Variants in DLG2 observed in about 807,000 individuals in gnomAD.
DLG2 encodes disks large homolog 2.
Under a neutral mutation model 132.5 loss-of-function variants are expected in DLG2, and 45 were observed. The observed-to-expected ratio is 0.34, with a 90% CI of 0.27 to 0.44. The LOEUF (loss-of-function observed/expected upper bound fraction) is 0.44. Ranked by LOEUF, DLG2 falls within the 20% of genes least tolerant of loss-of-function variation. The pLI is 1.00. For synonymous variants in DLG2, 424 were observed against 419.6 expected (o/e 1.01, Z -0.13); for missense variants, 1,045 against 1,196.9 (o/e 0.87, Z 1.87).
At chr11:83,807,736 C>G (rs867682119) in intron 17 of DLG2, among the ~76,000 whole-genome samples, 1 of 152,100 alleles carries the variant, frequency 6.6e-6, no homozygotes, top group Non-Finnish European at 1.5e-5. Flanking sequence ...GAATACTGAA[C>G]AAGAGGGTAT....
intron 6 of DLG2, among the ~76,000 whole-genome samples, chr11:84,978,910 A>G (rs1333774202): frequency 6.6e-6 from 1 of 152,148 alleles, no homozygotes; most frequent in Admixed American, 6.5e-5. Flanking sequence ...TTTGCAATCT[A>G]CTCATCTGAC....
intron 7 of DLG2, among the ~76,000 whole-genome samples, chr11:84,419,805 C>G (rs778334294): frequency 2.0e-5 from 3 of 152,108 alleles, no homozygotes; most frequent in Non-Finnish European, 4.4e-5. Flanking sequence ...CCATTTTGCT[C>G]CTAATTAAGA....
chr11:84,993,349 TG>T (rs2057326006), intron 6 of DLG2, among the ~76,000 whole-genome samples: 1 of 152,076 alleles, frequency 6.6e-6, no homozygotes, highest in Non-Finnish European at 1.5e-5. Context: ...TGATAGGTGC[TG>T]GGGTTCAATC....
At chr11:83,819,469 CAAAAAAA>C (rs398016925) in intron 17 of DLG2, among the ~76,000 whole-genome samples, 2 of 28,128 alleles carry the variant, frequency 7.1e-5, no homozygotes, top group Non-Finnish European at 1.2e-4. Context: ...GACTCTATCT[CAAAAAAA>C]AAAAAAAAAA....
At chr11:83,874,246 G>GGGAAGGAAGGAAGGAGAAAGGGAA (rs144508115) in intron 16 of DLG2, among the ~76,000 whole-genome samples, 174 bp downstream of exon 16, 1 of 143,972 alleles carries the variant, frequency 6.9e-6, no homozygotes, top group East Asian at 2.1e-4. Flanking sequence ...AAAGAAAGAA[G>GGGAAGGAAGGAAGGAGAAAGGGAA]GGAAGGAAGG....
intron 6 of DLG2, among the ~76,000 whole-genome samples, chr11:84,717,388 T>C (rs1306170731): frequency 1.3e-5 from 2 of 152,054 alleles, no homozygotes; most frequent in African/African-American, 4.8e-5. Flanking sequence ...TATATTTTTT[T>C]CTTAAATCAA....
intron 6 of DLG2, among the ~76,000 whole-genome samples, chr11:84,835,256 A>C (rs1038564044): frequency 6.6e-6 from 1 of 151,668 alleles, no homozygotes; most frequent in Non-Finnish European, 1.5e-5. Context: ...ACTAATATAT[A>C]GATAACATGC....
chr11:85,209,595 C>CTTTT (rs60317922), intron 4 of DLG2, among the ~76,000 whole-genome samples: 2,350 of 116,914 alleles, frequency 0.02, 195 homozygotes, highest in Admixed American at 0.037. Flanking sequence ...ACCCAGCTAA[C>CTTTT]TTTTTTTTTT....
At chr11:85,138,485 A>T (rs566740427) in intron 5 of DLG2, among the ~76,000 whole-genome samples, 34 of 152,300 alleles carry the variant, frequency 2.2e-4, no homozygotes, top group African/African-American at 7.9e-4. Context: ...TCAAGTCAAT[A>T]TAAATAACCT....
Position 85,277,733 on chromosome 11 carries a change from T to C in DLG2, c.186+7487A>G, listed in dbSNP as rs139460989. Among the ~76,000 whole-genome samples, 374 of 152,294 alleles carry C rather than the reference T, an allele frequency of 2.5e-3. 3 individuals carry two copies. The highest frequency in any genetic ancestry group is 0.01 in the Middle Eastern group (3 of 294). On this transcript the variant is annotated intron_variant, in intron 4 of 27. Transcript: ENST00000376104. ...AAATTTAATTTGATTTTCTTCTTTA[T>C]AAATCAAGTTACTACCCATGAGAAA...
rs375432641 is a variant in DLG2 at position 85,049,887 on chromosome 11, G to GTCATT, written c.357+61769_357+61773dup. Reference sequence around the variant, plus strand: ...AAAGCTAGTTACATCAAAACAAAAAGTCATTAATTCGCTAATATCTAATAT... The same window carrying GTCATT: ...AAAGCTAGTTACATCAAAACAAAAAGTCATTTCATTAATTCGCTAATATCTAATAT... On this transcript the variant is annotated intron_variant, in intron 6 of 27. Coordinates refer to ENST00000376104, the MANE Select transcript of DLG2 (RefSeq NM_001142699.3). Among the ~76,000 whole-genome samples, 3 of 152,136 alleles carry GTCATT rather than the reference G, an allele frequency of 2.0e-5. No homozygotes were observed. The East Asian group carries it at 5.8e-4, about 29-fold the overall frequency.
chr11:84,207,081 C>CTCTCTCTATA lies in DLG2; in HGVS notation c.574-43571_574-43570insTATAGAGAGA, dbSNP rs148707321. On this transcript the variant is annotated intron_variant, in intron 8 of 27. Coordinates refer to ENST00000376104, the MANE Select transcript of DLG2 (RefSeq NM_001142699.3). The stretch of plus-strand genomic sequence containing the variant: ...TAAATCTCTCTCTCTCTCTCTCTCT[C>CTCTCTCTATA]TATATATATATATGTATGTATATAT... Among the ~76,000 whole-genome samples the CTCTCTCTATA allele has an allele frequency of 1.9e-3, 286 of 146,994 alleles. 2 individuals are homozygous for CTCTCTCTATA. Among genetic ancestry groups the CTCTCTCTATA allele is most frequent in the African/African-American group, 6.6e-3 (265 of 40,028 alleles).
chr11:85,368,558 C>T (rs1017409353), intron 3 of DLG2, among the ~76,000 whole-genome samples: 3 of 152,224 alleles, frequency 2.0e-5, no homozygotes, highest in Non-Finnish European at 4.4e-5. Context: ...TCTTCTGATG[C>T]ATCTTCCTAC....
At chr11:84,518,115 C>A (rs2099279270) in intron 7 of DLG2, among the ~76,000 whole-genome samples, 1 of 89,894 alleles carries the variant, frequency 1.1e-5, no homozygotes. Flanking sequence ...AATTCAATAA[C>A]ATGTCTAACT....
At chr11:84,962,980 A>G (rs1434169574) in intron 6 of DLG2, among the ~76,000 whole-genome samples, 1 of 152,174 alleles carries the variant, frequency 6.6e-6, no homozygotes, top group Non-Finnish European at 1.5e-5. Flanking sequence ...GTAGTTAGAG[A>G]GACTCATTAT....
intron 19 of DLG2, among the ~76,000 whole-genome samples, chr11:83,585,889 G>A (rs1284518021): frequency 6.6e-6 from 1 of 152,170 alleles, no homozygotes; most frequent in East Asian, 1.9e-4. Flanking sequence ...CCATGAGGAT[G>A]GGGCTTGGGA....
At chr11:84,493,659 G>C (rs1180789003) in intron 7 of DLG2, among the ~76,000 whole-genome samples, 2 of 152,050 alleles carry the variant, frequency 1.3e-5, no homozygotes, top group South Asian at 4.2e-4. Flanking sequence ...ACATAGCTCT[G>C]AGATGGCCTG....
At chr11:83,756,125 C>A (rs1325377126) in intron 18 of DLG2, among the ~76,000 whole-genome samples, 2 of 151,180 alleles carry the variant, frequency 1.3e-5, no homozygotes, top group Non-Finnish European at 2.9e-5. Context: ...TATGGAGAGG[C>A]ACCACACCCT....
At chr11:85,530,848 C>T (rs560747273) in intron 3 of DLG2, among the ~76,000 whole-genome samples, 11 of 152,262 alleles carry the variant, frequency 7.2e-5, no homozygotes, top group African/African-American at 2.2e-4. Context: ...AGTTAAAATG[C>T]TTTGTCCCTC....
Sources: gnomAD v4.1 joint callset for allele counts (sites outside exome capture counted in the v4.1 genomes callset) on GRCh38, gnomAD v4.1.1 for gene constraint, MANE v1.5 for transcripts, NCBI Gene and HGNC (gene_info 2026-07-23, HGNC 2026-07-21) for gene names.